SNX25: variants seen among roughly 807,000 people sequenced by gnomAD.
The protein encoded by SNX25 is sorting nexin 25, also known as sorting nexin-25.
A neutral mutation model predicts 113.7 loss-of-function variants in SNX25; 62 were observed. The ratio of observed to expected loss-of-function variants is 0.55; its 90% CI spans 0.44 to 0.67. SNX25 has a LOEUF of 0.67. Ranked by LOEUF, SNX25 falls within the 30% of genes least tolerant of loss-of-function variation. The pLI, the probability that SNX25 is intolerant of heterozygous loss-of-function variation, is 0.00. For synonymous variants in SNX25, 421 were observed against 436.2 expected, an observed-to-expected ratio of 0.97 and a Z score of 0.43; for missense variants, 1,014 against 1,161.0, an observed-to-expected ratio of 0.87 and a Z score of 1.84.
At chr4:185,371,529 G>A (rs1252762988), downstream of SNX25, among the ~76,000 whole-genome samples, 15 of 131,110 alleles carry the variant, frequency 1.1e-4, no homozygotes, top group East Asian at 4.4e-4. Context: ...GCAACAGAGC[G>A]AGACTCCGTC....
chr4:185,312,726 T>C (rs1322313767), intron 7 of SNX25, among the ~76,000 whole-genome samples: 2 of 152,058 alleles, frequency 1.3e-5, no homozygotes, highest in African/African-American at 4.8e-5. Context: ...GCGGTTTCAC[T>C]GTGTTAGGCA....
chr4:185,232,814 A>G lies in SNX25; in HGVS notation c.430-14480A>G, dbSNP rs1393618728. Among the ~76,000 whole-genome samples the G allele has an allele frequency of 6.6e-6, 1 of 152,204 alleles. No homozygotes were observed. Among genetic ancestry groups the G allele is most frequent in the Non-Finnish European group, 1.5e-5 (1 of 68,046 alleles). ...TTCCAATATACTTTAATATGTATGA[A>G]CTTCAAAATTCTCTTAGATTGGTTG... On this transcript the variant is annotated intron_variant, in intron 1 of 18. Transcript: ENST00000652585. The surrounding 1 kb of genome is among the most constrained non-coding windows in gnomAD (Gnocchi z 4.4).
At chr4:185,375,495 T>TATAC in the SNX25 span, 1 of 52,578 alleles carries the variant, frequency 1.9e-5, no homozygotes, top group East Asian at 6.4e-4. Context: ...AAAATATATA[T>TATAC]ATATATATAT....
chr4:185,218,615 C>T (rs1739278905), intron 1 of SNX25, among the ~76,000 whole-genome samples: 1 of 152,182 alleles, frequency 6.6e-6, no homozygotes, highest in African/African-American at 2.4e-5. Context: ...TAGCCACAAG[C>T]TGGATGTAAA....
At chr4:185,205,453 C>CA (rs1161922728), upstream of SNX25, among the ~76,000 whole-genome samples, 550 of 127,350 alleles carry the variant, frequency 4.3e-3, 2 homozygotes, top group South Asian at 0.013. Flanking sequence ...GACTGTGTCT[C>CA]AAAAAAAAAA....
At chr4:185,296,504 T>TGG (rs1263109018) in intron 6 of SNX25, among the ~76,000 whole-genome samples, 1 of 152,184 alleles carries the variant, frequency 6.6e-6, no homozygotes, top group African/African-American at 2.4e-5. Context: ...TTTTTCTTGA[T>TGG]GGCCTTTTTC....
exon 12 of SNX25, chr4:185,370,173 A>G (rs1579971083): frequency 6.1e-6 from 1 of 163,572 alleles, no homozygotes; most frequent in Non-Finnish European, 1.3e-5. Flanking sequence ...AATTGATCAC[A>G]TGGATTAAAA....
At chr4:185,339,974 G>A (rs2095251674) in intron 11 of SNX25, among the ~76,000 whole-genome samples, 1 of 152,076 alleles carries the variant, frequency 6.6e-6, no homozygotes, top group South Asian at 2.1e-4. Flanking sequence ...AGGGATATGA[G>A]ATAAGAGTTT....
At position 185,356,532 on chromosome 4, in the gene SNX25, G is replaced by A. The variant is rs929313954; in HGVS notation, c.2585-1139G>A. Among the ~76,000 whole-genome samples the A allele has an allele frequency of 5.9e-5, 9 of 152,078 alleles. No homozygotes were observed. In the South Asian group the frequency reaches 8.3e-4, roughly 14 times the overall value. ...TAAGACATTTTTGACGTTTGATTCC[G>A]ACTCCAAGACTTGACTTTACGTGAA... On this transcript the variant is annotated intron_variant, in intron 15 of 18. Coordinates refer to ENST00000652585, the MANE Select transcript of SNX25 (RefSeq NM_001378034.2).
At chr4:185,240,395 G>A (rs887593441) in intron 1 of SNX25, among the ~76,000 whole-genome samples, 1 of 150,304 alleles carries the variant, frequency 6.7e-6, no homozygotes, top group East Asian at 2.0e-4. Flanking sequence ...CGGGCGGGGG[G>A]CTGACCCCCC....
At chr4:185,302,529 G>A (rs1753855919) in intron 6 of SNX25, among the ~76,000 whole-genome samples, 1 of 152,188 alleles carries the variant, frequency 6.6e-6, no homozygotes, top group Admixed American at 6.5e-5. Flanking sequence ...GAAGTCTTTG[G>A]TATTGATTGT....
At chr4:185,303,157 C>G (rs1031706803) in intron 6 of SNX25, among the ~76,000 whole-genome samples, 3 of 152,176 alleles carry the variant, frequency 2.0e-5, no homozygotes, top group Non-Finnish European at 4.4e-5. Flanking sequence ...GTCCTGGGCT[C>G]CTGCTCACAA....
At chr4:185,344,043 A>AC (rs1240341459) in intron 12 of SNX25, among the ~76,000 whole-genome samples, 1 of 151,970 alleles carries the variant, frequency 6.6e-6, no homozygotes, top group Non-Finnish European at 1.5e-5. Flanking sequence ...ACATGGTGAA[A>AC]CCCCCATCTC....
intron 7 of SNX25, among the ~76,000 whole-genome samples, chr4:185,311,740 C>G (rs1034467581): frequency 6.6e-6 from 1 of 152,208 alleles, no homozygotes; most frequent in African/African-American, 2.4e-5. Context: ...AGCTACTCAT[C>G]TGTGATGTTC....
downstream of SNX25, chr4:185,367,060 C>T (rs183507953): frequency 9.3e-6 from 8 of 860,382 alleles, no homozygotes; most frequent in Non-Finnish European, 1.5e-5. Flanking sequence ...AACATGTCAC[C>T]TGTAAAATAC....
intron 5 of SNX25, among the ~76,000 whole-genome samples, chr4:185,282,645 G>T (rs1750781683): frequency 6.6e-6 from 1 of 152,212 alleles, no homozygotes; most frequent in Admixed American, 6.5e-5. Flanking sequence ...TTATCTTTGT[G>T]TGGCTTTTCC....
intron 15 of SNX25, among the ~76,000 whole-genome samples, chr4:185,353,872 C>T (rs141776857): frequency 0.036 from 5,442 of 152,018 alleles, 319 homozygotes; most frequent in African/African-American, 0.12. Context: ...GGTGAAACCC[C>T]GTTTCTACTA....
intron 14 of SNX25, among the ~76,000 whole-genome samples, chr4:185,352,030 T>C (rs776904001): frequency 1.2e-4 from 18 of 151,814 alleles, no homozygotes; most frequent in Admixed American, 7.2e-4. Flanking sequence ...AAGTACAGCA[T>C]AGAAGTGGGG....
chr4:185,341,065 C>T (rs2095257442), intron 11 of SNX25, among the ~76,000 whole-genome samples: 1 of 152,188 alleles, frequency 6.6e-6, no homozygotes, highest in African/African-American at 2.4e-5. Flanking sequence ...CCTCTCATCT[C>T]TTTCCCTGGC....
Sources: allele counts gnomAD v4.1 joint callset (sites outside exome capture counted in the v4.1 genomes callset), GRCh38; gene constraint gnomAD v4.1.1; non-coding constraint Gnocchi (gnomAD v3.1); transcripts MANE v1.5; gene names NCBI Gene and HGNC (gene_info 2026-07-23, HGNC 2026-07-21).